ZBTB10: variants seen among roughly 807,000 people sequenced by gnomAD.
The protein encoded by ZBTB10 is zinc finger and BTB domain containing 10, also known as zinc finger and BTB domain-containing protein 10.
In ZBTB10, 32 loss-of-function variants were observed where a neutral mutation model predicts 76.4. That is an observed-to-expected ratio of 0.42 (90% CI 0.32 to 0.56). ZBTB10 has a LOEUF of 0.56. ZBTB10 is among the 20% of genes least tolerant of loss of function. The pLI is 0.14. For missense variants in ZBTB10, 1,057 were observed against 1,098.5 expected (o/e 0.96, Z 0.53); for synonymous variants, 523 against 432.9 (o/e 1.21, Z -2.58).
At chr8:80,503,536 G>C (rs1815977064) in intron 2 of ZBTB10, among the ~76,000 whole-genome samples, 1 of 149,846 alleles carries the variant, frequency 6.7e-6, no homozygotes, top group Non-Finnish European at 1.5e-5. Flanking sequence ...TGTTTTTTGA[G>C]AGACAGAGTC....
intron 1 of ZBTB10, among the ~76,000 whole-genome samples, chr8:80,489,040 T>G (rs985777342): frequency 6.7e-6 from 1 of 150,064 alleles, no homozygotes; most frequent in African/African-American, 2.4e-5. Context: ...TTTAGTTGCC[T>G]AAGCCCTAGA....
intron 2 of ZBTB10, among the ~76,000 whole-genome samples, chr8:80,511,516 G>A (rs906617481): frequency 6.6e-6 from 1 of 152,074 alleles, no homozygotes; most frequent in African/African-American, 2.4e-5. Context: ...TTGAGACAGG[G>A]TCTCACTCTT....
rs192454026 is a variant in ZBTB10, at chr8:80,490,251, A to G, written c.972+2469A>G. 1.1e-3 allele frequency among the ~76,000 whole-genome samples: 166 copies of G among 152,138 alleles called. 2 individuals carry two copies. The South Asian group carries it at 0.02, about 18-fold the overall frequency. On this transcript the variant is annotated intron_variant, in intron 1 of 5. Coordinates refer to ENST00000455036, the MANE Select transcript of ZBTB10 (RefSeq NM_001105539.3). ...CCACTTAGTGCCGTTATTTATTATCATTATTACCTTTTTGTTTTGTTTTTT... is the reference window on the plus strand; with the variant it reads ...CCACTTAGTGCCGTTATTTATTATCGTTATTACCTTTTTGTTTTGTTTTTT...
At chr8:80,491,476 GTA>G (rs2131473371) in intron 1 of ZBTB10, among the ~76,000 whole-genome samples, 1 of 152,298 alleles carries the variant, frequency 6.6e-6, no homozygotes, top group East Asian at 1.9e-4. Flanking sequence ...AGTAAGAAAA[GTA>G]TCTTTTTGTT....
chr8:80,507,486 G>T (rs1157653670), intron 2 of ZBTB10, among the ~76,000 whole-genome samples: 1 of 151,926 alleles, frequency 6.6e-6, no homozygotes, highest in Non-Finnish European at 1.5e-5. Context: ...ATGGTGGCGG[G>T]CACATGTAGT....
At chr8:80,498,456 A>G (rs28436235) in intron 1 of ZBTB10, among the ~76,000 whole-genome samples, 1,870 of 152,280 alleles carry the variant, frequency 0.012, 42 homozygotes, top group African/African-American at 0.042. Flanking sequence ...GGTCTAAGCA[A>G]TTTTTCTCTT....
Position 80,493,207 on chromosome 8 carries a change from G to GCACGCACA in ZBTB10, c.972+5428_972+5429insGCACACAC, listed in dbSNP as rs1554551278. ...TGTGCCTCAAAACGCGCGCGCGCGC[G>GCACGCACA]CACACACACACACACACACACACAC... On this transcript the variant is annotated intron_variant, in intron 1 of 5. Coordinates refer to ENST00000455036, the MANE Select transcript of ZBTB10 (RefSeq NM_001105539.3). 4.8e-5 allele frequency among the ~76,000 whole-genome samples: 6 copies of GCACGCACA among 125,292 alleles called. No individual in the cohort carries two copies. The South Asian group carries it at 1.4e-3, about 30-fold the overall frequency. 82.2% of individuals were successfully genotyped at this position (125,292 alleles called of 152,430 possible).
chr8:80,488,105 T>C (rs750098470), intron 1 of ZBTB10, among the ~76,000 whole-genome samples: 2 of 152,234 alleles, frequency 1.3e-5, no homozygotes, highest in Admixed American at 6.5e-5. Context: ...CCTAAAAGGC[T>C]GACTTTGCGG....
At chr8:80,488,335 A>G (rs968962682) in intron 1 of ZBTB10, among the ~76,000 whole-genome samples, 5 of 152,208 alleles carry the variant, frequency 3.3e-5, no homozygotes, top group African/African-American at 1.2e-4. Flanking sequence ...AGAGAATGCT[A>G]TTTGGAATTC....
At chr8:80,512,757 C>T (rs1816227292) in intron 2 of ZBTB10, among the ~76,000 whole-genome samples, 1 of 152,054 alleles carries the variant, frequency 6.6e-6, no homozygotes, top group Non-Finnish European at 1.5e-5. Flanking sequence ...AAAAATCAGT[C>T]GTTACCCTAT....
rs778155928 is a variant in ZBTB10, at chr8:80,487,777, G to T, written c.967G>T (p.Ala323Ser). The T allele has an allele frequency of 1.9e-6, 3 of 1,591,974 alleles. No individual in the cohort carries two copies. The highest frequency in any genetic ancestry group is 2.7e-5 in the African/African-American group (2 of 74,334). ...STEHKLHEAN[A>S]QESEIPSEEG... ...CGAGCACAAACTCCACGAAGCCAAC[G>T]CCCAGGTACAGTATATCCTGCTCCT... is the stretch of plus-strand genomic sequence containing the variant. The change falls in exon 1 of 6, where the codon GCC becomes TCC. Residue 323 changes from alanine (A) to serine (S), a missense_variant. Around this residue, in one of 5 missense-constraint regions of ZBTB10, gnomAD observed 556 missense variants for 451.7 expected, o/e 1.23. Coordinates refer to ENST00000455036, the MANE Select transcript of ZBTB10 (RefSeq NM_001105539.3).
rs1294539471 is a variant in ZBTB10, at chr8:80,518,608, G to A, written c.2137+29G>A. On this transcript the variant is annotated intron_variant, in intron 4 of 5. Transcript: ENST00000455036. ...AGTATTAGTCAACTAAACAAATACA[G>A]AATTAATTAAATAATTGTTAACAAT... 3.3e-6 allele frequency: 5 copies of A among 1,524,950 alleles called. No individual in the cohort carries two copies. The East Asian group carries it at 9.8e-5, about 30-fold the overall frequency. The allele number at this position is 1,524,950 out of a possible 1,614,324, so 94.5% of individuals were successfully genotyped here. A position where few individuals can be genotyped will look rare whatever the true frequency, so the allele number is the denominator to read the frequency against.
intron 1 of ZBTB10, among the ~76,000 whole-genome samples, chr8:80,493,307 A>G (rs1450947663): frequency 1.3e-5 from 2 of 152,070 alleles, no homozygotes; most frequent in African/African-American, 2.4e-5. Flanking sequence ...GTGCAGGATG[A>G]AAAATCAAGT....
At chr8:80,504,345 C>T (rs1375580173) in intron 2 of ZBTB10, among the ~76,000 whole-genome samples, 1 of 152,156 alleles carries the variant, frequency 6.6e-6, no homozygotes. Flanking sequence ...GGGGTCTCTT[C>T]TAGTTACTGT....
chr8:80,501,844 A>G (rs942585300), intron 2 of ZBTB10, among the ~76,000 whole-genome samples: 2 of 152,228 alleles, frequency 1.3e-5, no homozygotes, highest in African/African-American at 2.4e-5. Context: ...CTTAGCTAGC[A>G]CTTTGTTTTG....
chr8:80,486,618 A>AGCGGAC lies in ZBTB10; in HGVS notation c.-189_-184dup, dbSNP rs1300540000. 2.0e-6 allele frequency: 2 copies of AGCGGAC among 987,062 alleles called. No individual in the cohort carries two copies. The highest frequency in any genetic ancestry group is 3.5e-5 in the African/African-American group (2 of 56,978). 61.1% of individuals were successfully genotyped at this position (987,062 alleles called of 1,614,324 possible). A position where few individuals can be genotyped will look rare whatever the true frequency, so the allele number is the denominator to read the frequency against. On this transcript the variant is annotated 5_prime_UTR_variant, in exon 1 of 6. Coordinates refer to ENST00000455036, the MANE Select transcript of ZBTB10 (RefSeq NM_001105539.3). Reference sequence around the variant, plus strand: ...GCGTCGGCCCGGCAGCGGCAGCGGCAGCGGACGCGTGCAGCAGACCCGGGA... The same window carrying AGCGGAC: ...GCGTCGGCCCGGCAGCGGCAGCGGCAGCGGACGCGGACGCGTGCAGCAGACCCGGGA...
At chr8:80,506,726 A>G (rs977789150) in intron 2 of ZBTB10, among the ~76,000 whole-genome samples, 2 of 152,214 alleles carry the variant, frequency 1.3e-5, no homozygotes, top group African/African-American at 4.8e-5. Flanking sequence ...ATGGGGTGTT[A>G]CAGTCATAGC....
intron 2 of ZBTB10, among the ~76,000 whole-genome samples, chr8:80,510,777 T>C (rs1220870322): frequency 6.6e-6 from 1 of 152,162 alleles, no homozygotes; most frequent in African/African-American, 2.4e-5. Context: ...ATCTTAGCCC[T>C]TTTTTTGCTA....
chr8:80,518,704 G>C, intron 4 of ZBTB10, 78 bp from the exon 5 acceptor site: 1 of 1,495,202 alleles, frequency 6.7e-7, no homozygotes, highest in Non-Finnish European at 8.9e-7. Context: ...TGTTCTCAGA[G>C]ATAGAGATAA....
Sources: gnomAD v4.1 joint callset for allele counts (sites outside exome capture counted in the v4.1 genomes callset) on GRCh38, gnomAD v4.1.1 for gene constraint, gnomAD v4.1.1 regional missense constraint, MANE v1.5 for transcripts, NCBI Gene and HGNC (gene_info 2026-07-23, HGNC 2026-07-21) for gene names.